PDZD4: variants seen among roughly 807,000 people sequenced by gnomAD.
PDZD4 encodes PDZ domain containing 4, also known as PDZ domain-containing protein 4.
In PDZD4, 9 loss-of-function variants were observed where a neutral mutation model predicts 38.5. The observed-to-expected ratio is 0.23, with a 90% CI of 0.14 to 0.41. The LOEUF (loss-of-function observed/expected upper bound fraction) is 0.41, where lower values mean the gene tolerates loss of function less well. PDZD4 is among the 10% of genes least tolerant of loss of function. The pLI, the probability that PDZD4 is intolerant of heterozygous loss-of-function variation, is 1.00. For missense variants in PDZD4, 612 were observed against 722.0 expected (o/e 0.85, Z 1.75); for synonymous variants, 349 against 315.7 (o/e 1.11, Z -1.12).
chrX:153,830,078 C>T lies in PDZD4; in HGVS notation c.60+161G>A, dbSNP rs781979612. ...CCACCCGTGGCTGGTTCCCACGGAG[C>T]GCCAACACCCAACAGCCCCAGGATG... On this transcript the variant is annotated intron_variant, in intron 1 of 7. Coordinates refer to ENST00000393758, the MANE Select transcript of PDZD4 (RefSeq NM_001303512.2). 21 of 564,517 alleles carry T rather than the reference C, an allele frequency of 3.7e-5. No individual in the cohort carries two copies. The African/African-American group carries it at 4.7e-4, about 13-fold the overall frequency. 46.5% of individuals were successfully genotyped at this position (564,517 alleles called of 1,213,427 possible).
chrX:153,821,042 T>C (rs913892954), intron 1 of PDZD4, among the ~76,000 whole-genome samples: 3 of 112,503 alleles, frequency 2.7e-5, no homozygotes, highest in African/African-American at 9.7e-5. Context: ...GGCTGCAAAA[T>C]GTCTCCACCA....
rs1361920534 is a variant in PDZD4, at chrX:153,804,028, G to A, written c.1653C>T (p.Arg551=). 4.3e-6 allele frequency: 5 copies of A among 1,156,761 alleles called. No individual in the cohort carries two copies. The highest frequency in any genetic ancestry group is 1.8e-5 in the African/African-American group (1 of 56,193). ...ACCCCGTCTTGGGGTTGCGGCGGCC[G>A]CGCTCCTCCGCGTGCTGCCTCCGGC... The part of the protein sequence containing the change: ...EAGRRQHAEE[R]GRRNPKTGLT... Residue 551 remains arginine, a synonymous_variant, in exon 8 of 8, where the codon CGC becomes CGT. Coordinates refer to ENST00000393758, the MANE Select transcript of PDZD4 (RefSeq NM_001303512.2).
chrX:153,805,392 G>A (rs1250135238), intron 6 of PDZD4, 113 bp downstream of exon 6: 17 of 198,938 alleles, frequency 8.5e-5, no homozygotes, highest in South Asian at 4.8e-4. Context: ...CTGCCCACCC[G>A]CCCTCCATCA....
chrX:153,804,696 G>T lies in PDZD4; in HGVS notation c.985C>A (p.Gln329Lys). Residue 329 changes from glutamine to lysine, a missense_variant, in exon 8 of 8, where the codon CAG becomes AAG. By Grantham distance (53) the Gln-to-Lys change is moderately conservative. Around this residue, in one of 3 missense-constraint regions of PDZD4, gnomAD observed 225 missense variants for 311.0 expected, o/e 0.72. Transcript: ENST00000393758. ...RKFGLQGDALQSRDFHFSMDS... is the reference protein window; with the variant it reads ...RKFGLQGDALKSRDFHFSMDS... ...ATGCTGAAATGGAAGTCCCGGCTCT[G>T]CAGGGCGTCCCCTTGCAGGCCAAAC... 8.3e-7 allele frequency: 1 copy of T among 1,210,233 alleles called. No homozygotes were observed. Among genetic ancestry groups the T allele is most frequent in the South Asian group, 1.8e-5 (1 of 56,980 alleles).
At chrX:153,813,868 C>A (rs1400999330) in intron 1 of PDZD4, among the ~76,000 whole-genome samples, 1 of 111,742 alleles carries the variant, frequency 8.9e-6, no homozygotes, top group African/African-American at 3.3e-5. Context: ...GACAACAAAC[C>A]CCAAGAGGGC....
chrX:153,815,853 C>T (rs1204068794), intron 1 of PDZD4, among the ~76,000 whole-genome samples: 7 of 100,438 alleles, frequency 7.0e-5, no homozygotes, highest in Non-Finnish European at 1.2e-4. Flanking sequence ...AGCCATGCGC[C>T]CTCCCCACAG....
intron 1 of PDZD4, among the ~76,000 whole-genome samples, chrX:153,822,823 G>A (rs2064440342): frequency 9.0e-6 from 1 of 111,014 alleles, no homozygotes; most frequent in South Asian, 3.8e-4. Context: ...GACTAGAGGC[G>A]CATGCCACTA....
rs2092185179 is a variant in PDZD4 at position 153,803,237 on chromosome X, TGCGCACAGCGAGCACGCGCGC to T, written c.*95_*115del. The T allele has an allele frequency of 2.4e-5, 12 of 501,640 alleles. No individual in the cohort carries two copies. The highest frequency in any genetic ancestry group is 2.0e-5 in the Non-Finnish European group (7 of 345,498). 41.3% of individuals were successfully genotyped at this position (501,640 alleles called of 1,213,427 possible). On this transcript the variant is annotated 3_prime_UTR_variant, in exon 8 of 8. Transcript: ENST00000393758. ...ACACCCAGACGAGGAGATGTGTGCG[TGCGCACAGCGAGCACGCGCGC>T]GCGCACACACACACACACACAATCT...
intron 1 of PDZD4, among the ~76,000 whole-genome samples, chrX:153,823,145 C>T (rs1319716958): frequency 2.7e-5 from 3 of 109,569 alleles, no homozygotes; most frequent in African/African-American, 1.0e-4. Flanking sequence ...GCAACCTCCA[C>T]CTGCTGAGTT....
At chrX:153,805,916 G>T (rs2064243917) in intron 5 of PDZD4, among the ~76,000 whole-genome samples, 155 bp downstream of exon 5, 1 of 112,013 alleles carries the variant, frequency 8.9e-6, no homozygotes, top group Non-Finnish European at 1.9e-5. Context: ...GGGCAGGAGA[G>T]AGATGAGACT....
intron 1 of PDZD4, among the ~76,000 whole-genome samples, chrX:153,813,222 G>T (rs1017299488): frequency 6.2e-5 from 7 of 112,275 alleles, no homozygotes; most frequent in African/African-American, 2.3e-4. Flanking sequence ...AAAAAGGCGG[G>T]CTCAGAGGAG....
intron 1 of PDZD4, among the ~76,000 whole-genome samples, chrX:153,809,819 G>A (rs1252477875): frequency 8.8e-6 from 1 of 113,118 alleles, no homozygotes; most frequent in African/African-American, 3.2e-5. Flanking sequence ...CAGGGAGGAG[G>A]AGGCCATCGC....
chrX:153,821,434 G>A lies in PDZD4; in HGVS notation c.60+8805C>T, dbSNP rs556226264. 6.8e-4 allele frequency among the ~76,000 whole-genome samples: 73 copies of A among 107,514 alleles called. 1 individual carries two copies. In the South Asian group the frequency reaches 0.028, roughly 41 times the overall value. 93.4% of individuals were successfully genotyped at this position (107,514 alleles called of 115,157 possible). A position where few individuals can be genotyped will look rare whatever the true frequency, so the allele number is the denominator to read the frequency against. On this transcript the variant is annotated intron_variant, in intron 1 of 7. Coordinates refer to ENST00000393758, the MANE Select transcript of PDZD4 (RefSeq NM_001303512.2). ...ATGTGTGTTTTTTTACCCTCTATTTGTAAACAATTTTTACCCTCTATTTGT... is the reference window on the plus strand; with the variant it reads ...ATGTGTGTTTTTTTACCCTCTATTTATAAACAATTTTTACCCTCTATTTGT...
intron 6 of PDZD4, 38 bp from the exon 7 acceptor site, chrX:153,805,245 G>T: frequency 9.0e-7 from 1 of 1,109,554 alleles, no homozygotes; most frequent in Non-Finnish European, 1.2e-6. Context: ...CAGCTTCAAG[G>T]ACCTCCCCAT....
intron 6 of PDZD4, 127 bp from the exon 7 acceptor site, chrX:153,805,334 C>CAGGGG: frequency 2.7e-6 from 2 of 732,216 alleles, no homozygotes; most frequent in Non-Finnish European, 4.1e-6. Flanking sequence ...GCGTCCCAGC[C>CAGGGG]CCCTCAGCCT....
intron 1 of PDZD4, among the ~76,000 whole-genome samples, chrX:153,818,958 G>A (rs1230576742): frequency 8.9e-6 from 1 of 112,510 alleles, no homozygotes; most frequent in East Asian, 2.8e-4. Context: ...GGCCCCACGG[G>A]CAGTCGCTGT....
Position 153,806,662 on chromosome X carries a change from TG to T in PDZD4, c.504+79del. On this transcript the variant is annotated intron_variant, in intron 4 of 7. Coordinates refer to ENST00000393758, the MANE Select transcript of PDZD4 (RefSeq NM_001303512.2). ...GCTGTGATGCCCTGTTTCTGGTAGC[TG>T]GGACCTTAAGGGCAGCCTCTGAGCC... The T allele has an allele frequency of 2.2e-5, 20 of 917,374 alleles. No individual in the cohort carries two copies. In the South Asian group the frequency reaches 3.8e-4, roughly 18 times the overall value. 75.6% of individuals were successfully genotyped at this position (917,374 alleles called of 1,213,427 possible). A position where few individuals can be genotyped will look rare whatever the true frequency, so the allele number is the denominator to read the frequency against.
At chrX:153,806,982 C>T in intron 3 of PDZD4, 142 bp from the exon 4 acceptor site, 1 of 539,874 alleles carries the variant, frequency 1.9e-6, no homozygotes, top group Non-Finnish European at 3.0e-6. Flanking sequence ...CCCCTGAGCT[C>T]AGTTTCCAGG....
In PDZD4 at chrX:153,803,647, C is replaced by G; in HGVS notation, c.2034G>C (p.Met678Ile). ...GCTCCTCCTTGCTCCAGTAGCGGCCCATCTTCATCTCGCTCACCGCGTCGT... is the reference window on the plus strand; with the variant it reads ...GCTCCTCCTTGCTCCAGTAGCGGCCGATCTTCATCTCGCTCACCGCGTCGT... ...TDDDAVSEMK[M>I]GRYWSKEERK... Residue 678 changes from methionine to isoleucine, a missense_variant, in exon 8 of 8, where the codon ATG (methionine) becomes ATC (isoleucine). Transcript: ENST00000393758. 1 of 1,210,490 alleles carries G rather than the reference C, an allele frequency of 8.3e-7. No homozygotes were observed. Among genetic ancestry groups the G allele is most frequent in the Non-Finnish European group, 1.1e-6 (1 of 895,569 alleles).
Sources: gnomAD v4.1 joint callset for allele counts (sites outside exome capture counted in the v4.1 genomes callset) on GRCh38, gnomAD v4.1.1 for gene constraint, gnomAD v4.1.1 regional missense constraint, MANE v1.5 for transcripts, NCBI Gene and HGNC (gene_info 2026-07-23, HGNC 2026-07-21) for gene names.